LDLRAD4: variants seen among roughly 807,000 people sequenced by gnomAD.
LDLRAD4 encodes the protein low density lipoprotein receptor class A domain containing 4, also known as low-density lipoprotein receptor class A domain-containing protein 4.
Under a neutral mutation model 17.0 loss-of-function variants are expected in LDLRAD4, and 5 were observed. That is an observed-to-expected ratio of 0.29 (90% CI 0.15 to 0.62). LDLRAD4 has a LOEUF of 0.62. Among genes scored for constraint, LDLRAD4 ranks in the 20% least tolerant of loss-of-function variants. The probability of loss-of-function intolerance (pLI) is 0.84; values close to 1 mark genes in which losing one functional copy is unlikely to be tolerated. For synonymous variants in LDLRAD4, 168 were observed against 171.8 expected, an observed-to-expected ratio of 0.98 and a Z score of 0.17; for missense variants, 340 against 424.7, an observed-to-expected ratio of 0.80 and a Z score of 1.75.
At chr18:13,405,466 A>C (rs1186350338) in intron 2 of LDLRAD4, among the ~76,000 whole-genome samples, 1 of 152,056 alleles carries the variant, frequency 6.6e-6, no homozygotes, top group Admixed American at 6.6e-5. Flanking sequence ...TCTGTCATCC[A>C]TTTTGGAGAG....
intron 2 of LDLRAD4, among the ~76,000 whole-genome samples, chr18:13,396,265 C>T (rs62085680): frequency 3.3e-5 from 5 of 152,166 alleles, no homozygotes; most frequent in Admixed American, 2.6e-4. Context: ...AAAATAATAA[C>T]GTGGTGCCCT....
At chr18:13,528,062 G>C (rs986255744) in intron 3 of LDLRAD4, among the ~76,000 whole-genome samples, 2 of 152,158 alleles carry the variant, frequency 1.3e-5, no homozygotes, top group African/African-American at 4.8e-5. Flanking sequence ...CAAAGTTGTG[G>C]CTTCTGCACC....
intron 1 of LDLRAD4, among the ~76,000 whole-genome samples, chr18:13,370,596 C>A (rs193096424): frequency 6.6e-6 from 1 of 152,042 alleles, no homozygotes; most frequent in Non-Finnish European, 1.5e-5. Context: ...TCTTGCTGTG[C>A]GGAAGTGGCC....
At chr18:13,383,787 C>A (rs950206040) in intron 1 of LDLRAD4, among the ~76,000 whole-genome samples, 2 of 152,090 alleles carry the variant, frequency 1.3e-5, no homozygotes, top group Non-Finnish European at 2.9e-5. Flanking sequence ...TACTGAGTGC[C>A]GCTGGGTTCT....
At chr18:13,406,167 C>T (rs57438491) in intron 2 of LDLRAD4, among the ~76,000 whole-genome samples, 1 of 152,002 alleles carries the variant, frequency 6.6e-6, no homozygotes, top group African/African-American at 2.4e-5. Context: ...CCTGGGCCCC[C>T]TGGGGAGCAC....
At chr18:13,463,778 G>A (rs1305694448) in intron 3 of LDLRAD4, among the ~76,000 whole-genome samples, 4 of 152,168 alleles carry the variant, frequency 2.6e-5, no homozygotes, top group Non-Finnish European at 4.4e-5. Context: ...CGCCTTTAGG[G>A]AGCTGCAGCA....
At chr18:13,598,470 T>G (rs987888931) in intron 3 of LDLRAD4, among the ~76,000 whole-genome samples, 1 of 152,276 alleles carries the variant, frequency 6.6e-6, no homozygotes, top group Non-Finnish European at 1.5e-5. Context: ...CTACAGAGTC[T>G]GATCCAACTA....
At position 13,540,513 on chromosome 18, in the gene LDLRAD4, T is replaced by C. The variant is rs566653946; in HGVS notation, c.182-80604T>C. ...CATCCATAATAGTTTCTGAAAGGTA[T>C]TCAATCCTGGTGGAGAGCTGGAGAT... On this transcript the variant is annotated intron_variant, in intron 3 of 5. Coordinates refer to ENST00000359446, the Ensembl canonical transcript of LDLRAD4. 1.3e-4 allele frequency among the ~76,000 whole-genome samples: 20 copies of C among 152,332 alleles called. No homozygotes were observed. In the Middle Eastern group the frequency reaches 0.01, roughly 78 times the overall value.
At chr18:13,558,099 C>T (rs2094503108) in intron 3 of LDLRAD4, among the ~76,000 whole-genome samples, 1 of 152,222 alleles carries the variant, frequency 6.6e-6, no homozygotes, top group African/African-American at 2.4e-5. Context: ...AGTTTCTAAG[C>T]AACCATTGCC....
At chr18:13,270,810 G>A (rs2044492613) in intron 1 of LDLRAD4, among the ~76,000 whole-genome samples, 1 of 152,186 alleles carries the variant, frequency 6.6e-6, no homozygotes, top group African/African-American at 2.4e-5. Flanking sequence ...AAGAGAAAAT[G>A]TATTTCAAAT....
chr18:13,433,785 T>TTTTTCAAAG lies in LDLRAD4; in HGVS notation c.41-4459_41-4458insTTTTCAAAG, dbSNP rs1321564651. 3.9e-5 allele frequency among the ~76,000 whole-genome samples: 6 copies of TTTTTCAAAG among 152,352 alleles called. No homozygotes were observed. The South Asian group carries it at 1.2e-3, about 32-fold the overall frequency. On this transcript the variant is annotated intron_variant, in intron 2 of 5. Coordinates refer to ENST00000359446, the Ensembl canonical transcript of LDLRAD4. Reference sequence around the variant, plus strand: ...TAGTTTTAGGGCTCCTAAAATTCCCTGTTTTTTCAAAGGTTATAAAATATT... The same window carrying TTTTTCAAAG: ...TAGTTTTAGGGCTCCTAAAATTCCCTTTTTCAAAGGTTTTTTCAAAGGTTATAAAATATT...
At chr18:13,353,086 A>G (rs1179276259) in intron 1 of LDLRAD4, among the ~76,000 whole-genome samples, 2 of 152,170 alleles carry the variant, frequency 1.3e-5, no homozygotes, top group East Asian at 3.8e-4. Flanking sequence ...ATCTTTGTCT[A>G]GTATATCCAG....
intron 3 of LDLRAD4, among the ~76,000 whole-genome samples, chr18:13,566,561 C>T (rs994076530): frequency 1.3e-5 from 2 of 152,092 alleles, no homozygotes; most frequent in South Asian, 2.1e-4. Flanking sequence ...CGGGGTTTCA[C>T]CATGTTGGCC....
At chr18:13,582,747 C>T (rs1337718870) in intron 3 of LDLRAD4, among the ~76,000 whole-genome samples, 1 of 152,238 alleles carries the variant, frequency 6.6e-6, no homozygotes, top group Non-Finnish European at 1.5e-5. Context: ...AGGTCTCACT[C>T]TGTCACCCAG....
At chr18:13,431,143 A>G (rs2090308784) in intron 2 of LDLRAD4, among the ~76,000 whole-genome samples, 1 of 152,230 alleles carries the variant, frequency 6.6e-6, no homozygotes, top group Non-Finnish European at 1.5e-5. Context: ...AAAATCATAT[A>G]TAAAATCCAC....
chr18:13,607,493 G>A (rs144310901), intron 3 of LDLRAD4, among the ~76,000 whole-genome samples: 3,320 of 152,188 alleles, frequency 0.022, 116 homozygotes, highest in African/African-American at 0.075. Flanking sequence ...TGTTACATAG[G>A]TATACATGTG....
intron 3 of LDLRAD4, among the ~76,000 whole-genome samples, chr18:13,530,802 A>C (rs2147809597): frequency 7.5e-6 from 1 of 133,386 alleles, no homozygotes; most frequent in Non-Finnish European, 1.5e-5. Flanking sequence ...TCGAGCCAGG[A>C]GGAAGGGGAT....
chr18:13,335,823 G>C (rs773958985), intron 1 of LDLRAD4, among the ~76,000 whole-genome samples: 2 of 152,180 alleles, frequency 1.3e-5, no homozygotes, highest in Non-Finnish European at 2.9e-5. Context: ...GAAGAAATAC[G>C]TGGCTAGTTT....
At chr18:13,550,002 A>G (rs944702491) in intron 3 of LDLRAD4, among the ~76,000 whole-genome samples, 1 of 152,216 alleles carries the variant, frequency 6.6e-6, no homozygotes, top group African/African-American at 2.4e-5. Context: ...AACTGCTGCC[A>G]TCATCCGACT....
Sources: gnomAD v4.1 joint callset for allele counts (sites outside exome capture counted in the v4.1 genomes callset) on GRCh38, gnomAD v4.1.1 for gene constraint, MANE v1.5 for transcripts, NCBI Gene and HGNC (gene_info 2026-07-23, HGNC 2026-07-21) for gene names.